The following DPP6 variants were observed in gnomAD, a reference collection of about 807,000 sequenced individuals.
DPP6 encodes dipeptidyl peptidase like 6, also known as A-type potassium channel modulatory protein DPP6.
Under a neutral mutation model 122.6 loss-of-function variants are expected in DPP6, and 69 were observed. That is an observed-to-expected ratio of 0.56 (90% confidence interval 0.46 to 0.69). The LOEUF is 0.69. DPP6 is among the 30% of genes least tolerant of loss of function. The pLI, the probability that DPP6 is intolerant of heterozygous loss-of-function variation, is 0.00. For synonymous variants in DPP6, 418 were observed against 433.1 expected (o/e 0.97, Z 0.43); for missense variants, 928 against 1,116.9 (o/e 0.83, Z 2.41).
intron 7 of DPP6, among the ~76,000 whole-genome samples, chr7:154,675,719 T>C (rs1008225803): frequency 6.6e-6 from 1 of 152,192 alleles, no homozygotes; most frequent in Non-Finnish European, 1.5e-5. Flanking sequence ...CATTCACCTA[T>C]TGGCACATTC....
rs1411892060 is a variant in DPP6 at position 154,660,610 on chromosome 7, T to A, written c.681-8750T>A. Among the ~76,000 whole-genome samples, 2 of 136,966 alleles carry A rather than the reference T, an allele frequency of 1.5e-5. 1 individual carries two copies. The highest frequency in any genetic ancestry group is 5.9e-5 in the African/African-American group (2 of 33,694). The allele number at this position is 136,966 out of a possible 152,430, so 89.9% of individuals were successfully genotyped here. A position where few individuals can be genotyped will look rare whatever the true frequency, so the allele number is the denominator to read the frequency against. On this transcript the variant is annotated intron_variant, in intron 6 of 25. Transcript: ENST00000377770. ...TTCATATAGTCATGGTGAATCACCA[T>A]GGCATATTGGCCGTAGTGTTCATAT...
At chr7:154,887,531 C>T in intron 22 of DPP6, 145 bp from the exon 23 acceptor site, 1 of 817,096 alleles carries the variant, frequency 1.2e-6, no homozygotes, top group South Asian at 1.4e-5. Flanking sequence ...TTTTAAAAAA[C>T]CAACAATCTG....
rs1834956353 is a variant in DPP6, at chr7:154,624,731, G to C, written c.628-13090G>C. Among the ~76,000 whole-genome samples, 2 of 152,132 alleles carry C rather than the reference G, an allele frequency of 1.3e-5. No individual in the cohort carries two copies. Among genetic ancestry groups the C allele is most frequent in the Admixed American group, 6.5e-5 (1 of 15,270 alleles). Reference sequence around the variant, plus strand: ...CTCCAAGCCTGGAGCCTAGGAAACAGTGTCTCCCAGGAAGAAACCTGTTAA... The same window carrying C: ...CTCCAAGCCTGGAGCCTAGGAAACACTGTCTCCCAGGAAGAAACCTGTTAA... On this transcript the variant is annotated intron_variant, in intron 5 of 25. Transcript: ENST00000377770. This position sits in a 1 kb window ranked among gnomAD's most constrained non-coding sequence, Gnocchi z 4.7.
intron 1 of DPP6, chr7:154,057,799 C>G (rs899479776): frequency 4.0e-5 from 6 of 150,620 alleles, no homozygotes; most frequent in Non-Finnish European, 8.8e-5. Context: ...CTGACAAAGC[C>G]TTTTCCATTG....
rs905311536 is a variant in DPP6, at chr7:154,224,817, T to A, written c.243+171754T>A. Among the ~76,000 whole-genome samples the A allele has an allele frequency of 4.1e-5, 6 of 148,036 alleles. 1 individual carries two copies. The highest frequency in any genetic ancestry group is 1.6e-4 in the African/African-American group (6 of 38,342). ...GTAAGAGGGCTTTTGCAACATATGA[T>A]CAGTTCCTTCATTGTTAACATTTTA... On this transcript the variant is annotated intron_variant, in intron 1 of 25. Transcript: ENST00000377770.
chr7:154,879,921 G>T (rs3807292), intron 20 of DPP6, among the ~76,000 whole-genome samples: 27,022 of 152,158 alleles, frequency 0.18, 3,039 homozygotes, highest in East Asian at 0.5. Context: ...CACAGCGCAC[G>T]CCAGGAAATC....
intron 18 of DPP6, among the ~76,000 whole-genome samples, chr7:154,869,548 G>A (rs1050259860): frequency 5.3e-5 from 8 of 152,216 alleles, no homozygotes; most frequent in East Asian, 1.9e-4. Flanking sequence ...AGAGGGCAAC[G>A]TGAGGGGTCT....
At chr7:154,704,623 G>A (rs1840721896) in intron 7 of DPP6, among the ~76,000 whole-genome samples, 1 of 152,178 alleles carries the variant, frequency 6.6e-6, no homozygotes, top group African/African-American at 2.4e-5. Flanking sequence ...TCAACATCAA[G>A]GCAACACCAC....
chr7:154,180,334 C>T (rs548161293), intron 1 of DPP6, among the ~76,000 whole-genome samples: 38 of 147,884 alleles, frequency 2.6e-4, no homozygotes, highest in Non-Finnish European at 3.7e-4. Context: ...GGCAACAACC[C>T]GGGAGACAGA....
intron 1 of DPP6, among the ~76,000 whole-genome samples, chr7:154,333,049 C>T (rs760903523): frequency 6.6e-6 from 1 of 152,122 alleles, no homozygotes; most frequent in African/African-American, 2.4e-5. Context: ...AAAGCCAGCT[C>T]CCGTCTCAGA....
chr7:154,703,547 A>T (rs1213215790), intron 7 of DPP6, among the ~76,000 whole-genome samples: 1 of 150,798 alleles, frequency 6.6e-6, no homozygotes, highest in African/African-American at 2.4e-5. Flanking sequence ...TGAACCCAGG[A>T]GGCAGAGATT....
intron 1 of DPP6, among the ~76,000 whole-genome samples, chr7:154,207,973 G>T (rs1484451574): frequency 6.6e-6 from 1 of 151,058 alleles, no homozygotes; most frequent in East Asian, 1.9e-4. Context: ...AAAAATTTAA[G>T]AATATGTGTA....
At chr7:154,522,923 T>C (rs1024763936) in intron 3 of DPP6, among the ~76,000 whole-genome samples, 1 of 152,188 alleles carries the variant, frequency 6.6e-6, no homozygotes, top group African/African-American at 2.4e-5. Flanking sequence ...GCTCACAGTT[T>C]AGTCTTTCTC....
intron 1 of DPP6, among the ~76,000 whole-genome samples, chr7:154,054,949 C>T (rs953626933): frequency 1.3e-5 from 2 of 151,762 alleles, no homozygotes; most frequent in African/African-American, 4.8e-5. Context: ...TATACATGTC[C>T]TTCTTTTTAT....
the DPP6 span, among the ~76,000 whole-genome samples, chr7:153,761,864 C>A: frequency 6.6e-6 from 1 of 152,068 alleles, no homozygotes; most frequent in Non-Finnish European, 1.5e-5. Context: ...TTAATGAGTC[C>A]GTGTGTGCAC....
At chr7:154,668,719 C>T (rs980993447) in intron 6 of DPP6, among the ~76,000 whole-genome samples, 5 of 152,166 alleles carry the variant, frequency 3.3e-5, no homozygotes, top group African/African-American at 1.2e-4. Flanking sequence ...TAGCACTTTT[C>T]ATTTTTCCCA....
intron 7 of DPP6, among the ~76,000 whole-genome samples, chr7:154,694,291 C>T (rs1201161534): frequency 2.6e-5 from 4 of 152,112 alleles, no homozygotes; most frequent in Non-Finnish European, 4.4e-5. Context: ...GGGGAGGACA[C>T]GAACATTCAA....
rs1586347651 is a variant in DPP6 at position 154,462,700 on chromosome 7, G to T, written c.359-12239G>T. 2.6e-5 allele frequency among the ~76,000 whole-genome samples: 4 copies of T among 151,998 alleles called. No individual in the cohort carries two copies. In the South Asian group the frequency reaches 8.3e-4, roughly 32 times the overall value. On this transcript the variant is annotated intron_variant, in intron 2 of 25. Coordinates refer to ENST00000377770, the MANE Select transcript of DPP6 (RefSeq NM_130797.4). Reference sequence around the variant, plus strand: ...GTTTTAGGGTACATGTGCACAACGTGCAGGTTTGTTACATATGTATACATG... The same window carrying T: ...GTTTTAGGGTACATGTGCACAACGTTCAGGTTTGTTACATATGTATACATG...
intron 1 of DPP6, chr7:154,038,397 C>T (rs1290277169): frequency 3.5e-5 from 2 of 57,886 alleles, no homozygotes; most frequent in African/African-American, 8.5e-5. Context: ...AAAAAAATCA[C>T]GTGCTGATTT....
Sources: gnomAD v4.1 joint callset for allele counts (sites outside exome capture counted in the v4.1 genomes callset) on GRCh38, gnomAD v4.1.1 for gene constraint, Gnocchi (gnomAD v3.1) non-coding constraint, MANE v1.5 for transcripts, NCBI Gene and HGNC (gene_info 2026-07-23, HGNC 2026-07-21) for gene names.